The following MAGI2 variants were observed in gnomAD, a reference collection of about 807,000 sequenced individuals.
MAGI2 encodes membrane-associated guanylate kinase, WW and PDZ domain-containing protein 2.
Under a neutral mutation model 133.3 loss-of-function variants are expected in MAGI2, and 35 were observed. The ratio of observed to expected loss-of-function variants is 0.26; its 90% CI spans 0.20 to 0.35. The LOEUF (loss-of-function observed/expected upper bound fraction) is 0.35, where lower values mean the gene tolerates loss of function less well. Among genes scored for constraint, MAGI2 ranks in the 10% least tolerant of loss-of-function variants. The pLI, the probability that MAGI2 is intolerant of heterozygous loss-of-function variation, is 1.00. For synonymous variants in MAGI2, 729 were observed against 710.6 expected (o/e 1.03, Z -0.41); for missense variants, 1,636 against 1,863.4 (o/e 0.88, Z 2.25).
intron 2 of MAGI2, among the ~76,000 whole-genome samples, chr7:78,871,446 T>G (rs1400240844): frequency 6.6e-6 from 1 of 152,058 alleles, no homozygotes; most frequent in Admixed American, 6.6e-5. Flanking sequence ...ACCAAACAAC[T>G]TACCTATGTA....
intron 9 of MAGI2, among the ~76,000 whole-genome samples, chr7:78,275,164 G>A (rs1326745628): frequency 6.6e-6 from 1 of 152,184 alleles, no homozygotes; most frequent in African/African-American, 2.4e-5. Flanking sequence ...TGTTCCTCCT[G>A]GTACAGTCTC....
At chr7:79,258,604 G>C (rs1833862514) in intron 1 of MAGI2, among the ~76,000 whole-genome samples, 1 of 152,098 alleles carries the variant, frequency 6.6e-6, no homozygotes, top group South Asian at 2.1e-4. Context: ...CCTCACTGTG[G>C]CTCTAAAAAG....
At chr7:78,485,312 T>C (rs1047077313) in intron 6 of MAGI2, 6 of 152,008 alleles carry the variant, frequency 3.9e-5, no homozygotes, top group African/African-American at 1.4e-4. Context: ...TTTTCTGCCA[T>C]GTAGACTGCT....
At chr7:79,450,346 A>G (rs994911273) in intron 1 of MAGI2, among the ~76,000 whole-genome samples, 6 of 152,070 alleles carry the variant, frequency 3.9e-5, no homozygotes, top group Admixed American at 1.3e-4. Context: ...GAAAAATTTC[A>G]TTTTTTATAA....
At chr7:78,070,436 A>T (rs62461175) in intron 21 of MAGI2, among the ~76,000 whole-genome samples, 2 of 146,770 alleles carry the variant, frequency 1.4e-5, no homozygotes, top group Admixed American at 1.4e-4. Context: ...ATGTGTATAT[A>T]TATATGTGTA....
At chr7:78,459,967 T>C (rs947881915) in intron 6 of MAGI2, among the ~76,000 whole-genome samples, 1 of 152,256 alleles carries the variant, frequency 6.6e-6, no homozygotes, top group Non-Finnish European at 1.5e-5. Flanking sequence ...TTACCATGAA[T>C]GGACATCTGT....
At chr7:79,002,095 G>A (rs749262075) in intron 2 of MAGI2, among the ~76,000 whole-genome samples, 4 of 150,238 alleles carry the variant, frequency 2.7e-5, no homozygotes, top group South Asian at 2.1e-4. Context: ...AAATCTAATC[G>A]TAGAAAGATT....
chr7:78,444,405 T>C (rs959909838), intron 6 of MAGI2, among the ~76,000 whole-genome samples: 1 of 151,904 alleles, frequency 6.6e-6, no homozygotes, highest in Non-Finnish European at 1.5e-5. Context: ...TTAGGTCGAG[T>C]TTTAATACTC....
intron 21 of MAGI2, among the ~76,000 whole-genome samples, chr7:78,048,960 T>C (rs1008811620): frequency 2.0e-5 from 3 of 151,818 alleles, no homozygotes; most frequent in African/African-American, 7.3e-5. Flanking sequence ...CAAAAAAAAT[T>C]AGCCGGGCGT....
intron 1 of MAGI2, among the ~76,000 whole-genome samples, chr7:79,101,319 A>G (rs1817946596): frequency 6.6e-6 from 1 of 152,166 alleles, no homozygotes; most frequent in African/African-American, 2.4e-5. Flanking sequence ...AAGCTTGAAG[A>G]CCAGAACTAG....
intron 6 of MAGI2, among the ~76,000 whole-genome samples, chr7:78,398,981 C>T (rs1029292368): frequency 1.3e-5 from 2 of 151,282 alleles, no homozygotes; most frequent in African/African-American, 4.8e-5. Context: ...TAAATCTTTT[C>T]ATCTCCTGAT....
At chr7:78,948,077 A>G (rs968622979) in intron 2 of MAGI2, among the ~76,000 whole-genome samples, 34 of 152,048 alleles carry the variant, frequency 2.2e-4, no homozygotes, top group African/African-American at 8.2e-4. Flanking sequence ...CTGATAGGAA[A>G]AGTGAGACTA....
intron 1 of MAGI2, among the ~76,000 whole-genome samples, chr7:79,143,865 T>C (rs2129546398): frequency 6.6e-6 from 1 of 152,330 alleles, no homozygotes; most frequent in South Asian, 2.1e-4. Context: ...AAGTATATAT[T>C]TTATATGAAA....
intron 1 of MAGI2, chr7:79,410,495 G>C (rs1287755210): frequency 6.6e-6 from 1 of 152,122 alleles, no homozygotes; most frequent in Non-Finnish European, 1.5e-5. Flanking sequence ...TCTCTCTCTT[G>C]AGTAAAGAAT....
intron 6 of MAGI2, among the ~76,000 whole-genome samples, chr7:78,440,399 T>C (rs1249250180): frequency 6.6e-6 from 1 of 152,084 alleles, no homozygotes; most frequent in Non-Finnish European, 1.5e-5. Context: ...GTAATTCCTA[T>C]GAGAAACCAT....
intron 1 of MAGI2, among the ~76,000 whole-genome samples, chr7:79,025,193 C>T (rs999621540): frequency 6.6e-6 from 1 of 152,052 alleles, no homozygotes. Flanking sequence ...GAGATCATAT[C>T]TTTTGCAGTA....
intron 6 of MAGI2, among the ~76,000 whole-genome samples, chr7:78,373,111 T>C (rs1794094386): frequency 6.6e-6 from 1 of 152,182 alleles, no homozygotes; most frequent in African/African-American, 2.4e-5. Context: ...TGCGCATCAC[T>C]GTGCCCGGCC....
intron 12 of MAGI2, among the ~76,000 whole-genome samples, chr7:78,192,233 C>T (rs189009751): frequency 3.9e-5 from 6 of 152,164 alleles, no homozygotes; most frequent in Non-Finnish European, 8.8e-5. Context: ...ATTTTTCCCC[C>T]CCCAGGAAAA....
chr7:79,125,441 A>G (rs1159528442), intron 1 of MAGI2: 2 of 498,108 alleles, frequency 4.0e-6, no homozygotes, highest in Admixed American at 4.5e-5. Context: ...AATGGATTTG[A>G]TAACGATGGT....
Sources: gnomAD v4.1 joint callset for allele counts (sites outside exome capture counted in the v4.1 genomes callset) on GRCh38, gnomAD v4.1.1 for gene constraint, MANE v1.5 for transcripts, NCBI Gene and HGNC (gene_info 2026-07-23, HGNC 2026-07-21) for gene names.